The following PRTG variants were observed in gnomAD, a reference collection of about 807,000 sequenced individuals.
PRTG encodes protogenin.
Under a neutral mutation model 122.5 loss-of-function variants are expected in PRTG, and 67 were observed. The ratio of observed to expected loss-of-function variants is 0.55; its 90% CI spans 0.45 to 0.67. PRTG has a LOEUF of 0.67. Ranked by LOEUF, PRTG falls within the 30% of genes least tolerant of loss-of-function variation. The pLI is 0.00. For synonymous variants in PRTG, 554 were observed against 501.1 expected (o/e 1.11, Z -1.41); for missense variants, 1,435 against 1,415.4 (o/e 1.01, Z -0.22).
In PRTG at chr15:55,629,984, ATTTTTTT is replaced by A. The variant is rs1169581862; in HGVS notation, c.2624-987_2624-981del. ...AGGCACCCACCACCACACCAGGTTA[ATTTTTTT>A]TTTTTTTTTTTTTGAGACGGAGTCT... On this transcript the variant is annotated intron_variant, in intron 15 of 19. Coordinates refer to ENST00000389286, the MANE Select transcript of PRTG (RefSeq NM_173814.6). 2.4e-5 allele frequency among the ~76,000 whole-genome samples: 3 copies of A among 125,272 alleles called. No individual in the cohort carries two copies. The East Asian group carries it at 6.9e-4, about 29-fold the overall frequency. The allele number at this position is 125,272 out of a possible 152,430, so 82.2% of individuals were successfully genotyped here.
chr15:55,669,481 T>C (rs1054104087), intron 11 of PRTG, among the ~76,000 whole-genome samples: 1 of 152,178 alleles, frequency 6.6e-6, no homozygotes, highest in Non-Finnish European at 1.5e-5. Flanking sequence ...AGATGGTCAG[T>C]TGTCCAGTTA....
chr15:55,696,001 A>G (rs2059630222), intron 2 of PRTG, among the ~76,000 whole-genome samples: 1 of 152,082 alleles, frequency 6.6e-6, no homozygotes, highest in Non-Finnish European at 1.5e-5. Flanking sequence ...GAGGCCAGAC[A>G]CAGTGGTTCA....
In PRTG at chr15:55,624,519, G is replaced by C. The variant is rs201880322; in HGVS notation, c.2928-12C>G. ...AAGCAGATGATTTCCTAAAACATTGGCAAGAAGAGGAAGTCTTCTAATTTC... is the reference window on the plus strand; with the variant it reads ...AAGCAGATGATTTCCTAAAACATTGCCAAGAAGAGGAAGTCTTCTAATTTC... On this transcript the variant is annotated splice_polypyrimidine_tract_variant and intron_variant, in intron 17 of 19. Transcript: ENST00000389286. 2.5e-6 allele frequency: 4 copies of C among 1,603,658 alleles called. No individual in the cohort carries two copies. In the African/African-American group the frequency reaches 5.4e-5, roughly 21 times the overall value.
Position 55,641,222 on chromosome 15 carries a change from A to C in PRTG, c.2042-14T>G. ...TTCTTCTGGGGTCTATAAAGAAACC[A>C]ATAGGAAATAATTAGGACCAGGTCT... On this transcript the variant is annotated splice_polypyrimidine_tract_variant and intron_variant, in intron 11 of 19. Transcript: ENST00000389286. 6.4e-7 allele frequency: 1 copy of C among 1,553,258 alleles called. No homozygotes were observed. The highest frequency in any genetic ancestry group is 8.9e-7 in the Non-Finnish European group (1 of 1,124,966).
In PRTG at chr15:55,716,139, G is replaced by C. The variant is rs938733508; in HGVS notation, c.397+24243C>G. Among the ~76,000 whole-genome samples, 8 of 152,254 alleles carry C rather than the reference G, an allele frequency of 5.3e-5. No individual in the cohort carries two copies. The East Asian group carries it at 1.5e-3, about 29-fold the overall frequency. ...CGCCACCTGCTCAGGAGGCTGAGAC[G>C]GGAGAATCGCTTGAACCCTAGAGGC... On this transcript the variant is annotated intron_variant, in intron 2 of 19. Coordinates refer to ENST00000389286, the MANE Select transcript of PRTG (RefSeq NM_173814.6).
intron 2 of PRTG, among the ~76,000 whole-genome samples, chr15:55,708,821 T>C (rs1289506288): frequency 6.6e-6 from 1 of 151,660 alleles, no homozygotes; most frequent in African/African-American, 2.4e-5. Context: ...TCCTTAGTTA[T>C]CTGGGAAAAC....
chr15:55,639,122 C>T (rs1488395865), intron 13 of PRTG, among the ~76,000 whole-genome samples: 1 of 152,094 alleles, frequency 6.6e-6, no homozygotes. Flanking sequence ...CAGGCATGCA[C>T]CACTATACCT....
intron 16 of PRTG, among the ~76,000 whole-genome samples, chr15:55,627,492 G>GTTTTTT (rs35022592): frequency 1.1e-4 from 12 of 104,774 alleles, no homozygotes; most frequent in African/African-American, 1.2e-4. Context: ...GCCCAGCTAA[G>GTTTTTT]TTTTTTTTTT....
At chr15:55,661,229 A>C (rs980265307) in intron 11 of PRTG, among the ~76,000 whole-genome samples, 48 of 152,208 alleles carry the variant, frequency 3.2e-4, no homozygotes, top group Admixed American at 1.7e-3. Flanking sequence ...AGTACAAGAG[A>C]GACAGAGAAG....
At chr15:55,648,995 G>A (rs1289702853) in intron 11 of PRTG, among the ~76,000 whole-genome samples, 1 of 151,560 alleles carries the variant, frequency 6.6e-6, no homozygotes. Context: ...TACACGGGAG[G>A]CCAACGCAGA....
chr15:55,703,100 TG>T (rs2029953637), intron 2 of PRTG, among the ~76,000 whole-genome samples: 1 of 152,168 alleles, frequency 6.6e-6, no homozygotes, highest in Non-Finnish European at 1.5e-5. Flanking sequence ...TTTTCTAGAG[TG>T]GCTGCAGGTT....
At chr15:55,653,134 T>G (rs1297724877) in intron 11 of PRTG, among the ~76,000 whole-genome samples, 4 of 152,200 alleles carry the variant, frequency 2.6e-5, no homozygotes, top group African/African-American at 4.8e-5. Context: ...ATAAATTTGT[T>G]GTATGATAAT....
At chr15:55,642,043 G>A (rs1440005011) in intron 11 of PRTG, among the ~76,000 whole-genome samples, 2 of 150,322 alleles carry the variant, frequency 1.3e-5, no homozygotes, top group Non-Finnish European at 3.0e-5. Flanking sequence ...GCGCAGTGGC[G>A]GGCGCCTGTA....
At chr15:55,694,264 T>C (rs1359843688) in intron 2 of PRTG, among the ~76,000 whole-genome samples, 1 of 152,210 alleles carries the variant, frequency 6.6e-6, no homozygotes, top group African/African-American at 2.4e-5. Flanking sequence ...GGAAAATTAG[T>C]GTTCTTTTCA....
intron 2 of PRTG, among the ~76,000 whole-genome samples, chr15:55,706,509 C>T (rs2141847417): frequency 7.3e-6 from 1 of 137,880 alleles, no homozygotes; most frequent in South Asian, 2.2e-4. Context: ...CTTTGGGAGG[C>T]AGAGGTGGGA....
intron 15 of PRTG, among the ~76,000 whole-genome samples, chr15:55,634,063 CTTTTT>C (rs10711487): frequency 1.4e-5 from 1 of 73,850 alleles, no homozygotes. Context: ...ATATACATTG[CTTTTT>C]TTTTTTTTTT....
chr15:55,724,379 T>C (rs1473965875), intron 2 of PRTG, among the ~76,000 whole-genome samples: 3 of 152,154 alleles, frequency 2.0e-5, no homozygotes, highest in African/African-American at 4.8e-5. Flanking sequence ...ATATAATGTA[T>C]ATATTACGTT....
chr15:55,639,625 T>TA lies in PRTG; in HGVS notation c.2324+16dup. 2 of 1,607,516 alleles carry TA rather than the reference T, an allele frequency of 1.2e-6. No individual in the cohort carries two copies. The highest frequency in any genetic ancestry group is 1.7e-6 in the Non-Finnish European group (2 of 1,174,936). On this transcript the variant is annotated intron_variant, in intron 13 of 19. Coordinates refer to ENST00000389286, the MANE Select transcript of PRTG (RefSeq NM_173814.6). ...TGAGGTAAGCAAAGAAAATAACCAT[T>TA]AACAGGAGCTACATACGTTTGAAGG...
chr15:55,733,943 T>TA (rs2031325545), intron 2 of PRTG, among the ~76,000 whole-genome samples: 1 of 152,182 alleles, frequency 6.6e-6, no homozygotes, highest in Non-Finnish European at 1.5e-5. Flanking sequence ...TAGAAACAGT[T>TA]AAAGTAACAA....
Sources: gnomAD v4.1 joint callset for allele counts (sites outside exome capture counted in the v4.1 genomes callset) on GRCh38, gnomAD v4.1.1 for gene constraint, MANE v1.5 for transcripts, NCBI Gene and HGNC (gene_info 2026-07-23, HGNC 2026-07-21) for gene names.